Variants in DYNC2H1 observed in about 807,000 individuals in gnomAD.
The protein encoded by DYNC2H1 is cytoplasmic dynein 2 heavy chain 1.
DYNC2H1 carries 410 observed loss-of-function variants against 570.0 expected under a neutral mutation model. The observed-to-expected ratio is 0.72, with a 90% CI of 0.66 to 0.78. The LOEUF (loss-of-function observed/expected upper bound fraction) is 0.78, where lower values mean the gene tolerates loss of function less well. Among genes scored for constraint, DYNC2H1 ranks in the 30% least tolerant of loss-of-function variants. The pLI is 0.00. For synonymous variants in DYNC2H1, 1,688 were observed against 1,677.6 expected, an observed-to-expected ratio of 1.01 and a Z score of -0.15; for missense variants, 4,865 against 5,046.4, an observed-to-expected ratio of 0.96 and a Z score of 1.09.
intron 59 of DYNC2H1, among the ~76,000 whole-genome samples, chr11:103,224,435 A>T (rs534538691): frequency 3.9e-5 from 6 of 152,034 alleles, no homozygotes; most frequent in Non-Finnish European, 7.4e-5. Flanking sequence ...CCAAAGTCCA[A>T]TGCCTCATTC....
intron 3 of DYNC2H1, 76 bp from the exon 4 acceptor site, chr11:103,115,101 G>C: frequency 1.0e-6 from 1 of 990,212 alleles, no homozygotes. Flanking sequence ...CAAATATTTT[G>C]CTGCTCTGCT....
intron 84 of DYNC2H1, among the ~76,000 whole-genome samples, chr11:103,434,935 G>A (rs1944010410): frequency 6.6e-6 from 1 of 152,116 alleles, no homozygotes; most frequent in Admixed American, 6.6e-5. Flanking sequence ...TTGGAAACTG[G>A]CATAGTATCA....
At chr11:103,161,662 CTATT>C (rs1226207928) in intron 29 of DYNC2H1, among the ~76,000 whole-genome samples, 7 of 152,094 alleles carry the variant, frequency 4.6e-5, no homozygotes, top group African/African-American at 1.7e-4. Context: ...TTTAAGTACA[CTATT>C]TAGTGCTTGG....
chr11:103,474,578 G>A (rs1390617673), intron 88 of DYNC2H1, among the ~76,000 whole-genome samples: 1 of 152,040 alleles, frequency 6.6e-6, no homozygotes, highest in Non-Finnish European at 1.5e-5. Flanking sequence ...TAGTCCCTCT[G>A]TATCTGCAAT....
chr11:103,273,135 C>T (rs1253299058), intron 70 of DYNC2H1, among the ~76,000 whole-genome samples: 2 of 149,838 alleles, frequency 1.3e-5, no homozygotes, highest in Non-Finnish European at 3.0e-5. Context: ...TCCCTTCCCT[C>T]CCCTCCCCTT....
chr11:103,463,094 A>G (rs1317335820), intron 87 of DYNC2H1, among the ~76,000 whole-genome samples: 1 of 152,168 alleles, frequency 6.6e-6, no homozygotes, highest in South Asian at 2.1e-4. Context: ...AATATATTGT[A>G]AACAACTGAG....
chr11:103,447,710 G>A (rs1399986091), intron 85 of DYNC2H1, among the ~76,000 whole-genome samples: 1 of 152,054 alleles, frequency 6.6e-6, no homozygotes, highest in African/African-American at 2.4e-5. Context: ...TAAGGCATTG[G>A]AAATGTGTAA....
chr11:103,247,415 C>G (rs1864660195), intron 65 of DYNC2H1, among the ~76,000 whole-genome samples: 1 of 152,014 alleles, frequency 6.6e-6, no homozygotes, highest in Non-Finnish European at 1.5e-5. Context: ...AGGTATATCT[C>G]CATATGGATG....
chr11:103,168,287 G>T (rs2134956384), intron 31 of DYNC2H1, among the ~76,000 whole-genome samples: 1 of 152,282 alleles, frequency 6.6e-6, no homozygotes, highest in African/African-American at 2.4e-5. Flanking sequence ...ACCAGTTTCG[G>T]TTTCTGGCTG....
intron 83 of DYNC2H1, among the ~76,000 whole-genome samples, chr11:103,377,056 G>A (rs938657550): frequency 2.6e-5 from 4 of 152,026 alleles, no homozygotes; most frequent in African/African-American, 4.8e-5. Flanking sequence ...AGAATTATTC[G>A]TCCTTGACTT....
In DYNC2H1 at chr11:103,252,551, G is replaced by A. The variant is rs1864876373; in HGVS notation, c.10043-734G>A. Reference sequence around the variant, plus strand: ...ATAATACCCATCCTAACAGGTGTGAGTTGATATCTAATAGTGGTTTTGATT... The same window carrying A: ...ATAATACCCATCCTAACAGGTGTGAATTGATATCTAATAGTGGTTTTGATT... On this transcript the variant is annotated intron_variant, in intron 65 of 88. Coordinates refer to ENST00000375735, the MANE Select transcript of DYNC2H1 (RefSeq NM_001377.3). This position sits in a 1 kb window ranked among gnomAD's most constrained non-coding sequence, Gnocchi z 4.6. Among the ~76,000 whole-genome samples, 1 of 152,112 alleles carries A rather than the reference G, an allele frequency of 6.6e-6. No homozygotes were observed. Among genetic ancestry groups the A allele is most frequent in the Admixed American group, 6.6e-5 (1 of 15,262 alleles).
At position 103,220,738 on chromosome 11, in the gene DYNC2H1, T is replaced by C. The variant is rs755522846; in HGVS notation, c.9062T>C (p.Leu3021Ser). Residue 3021 changes from leucine (L) to serine (S), a missense_variant, in exon 57 of 89, where the codon TTA becomes TCA. By Grantham distance (145) the Leu-to-Ser change is moderately radical. Around this residue, in one of 5 missense-constraint regions of DYNC2H1, gnomAD observed 2,401 missense variants for 2,454.6 expected, o/e 0.98. Transcript: ENST00000375735. ...DVIRDILEGV[L>S]RLMGIFDTSW... ...ATTAGAGATATTCTTGAAGGAGTTT[T>C]AAGGTTGATGGGTATCTTTGATACA... 2 of 1,612,902 alleles carry C rather than the reference T, an allele frequency of 1.2e-6. No homozygotes were observed. Among genetic ancestry groups the C allele is most frequent in the Non-Finnish European group, 1.7e-6 (2 of 1,179,234 alleles).
chr11:103,267,816 A>G (rs1865567977), intron 70 of DYNC2H1, among the ~76,000 whole-genome samples: 1 of 151,946 alleles, frequency 6.6e-6, no homozygotes, highest in African/African-American at 2.4e-5. Context: ...GTACAAATAT[A>G]TAGATATAAT....
chr11:103,352,340 C>CT (rs1237251849), intron 82 of DYNC2H1, among the ~76,000 whole-genome samples: 1 of 151,960 alleles, frequency 6.6e-6, no homozygotes, highest in Non-Finnish European at 1.5e-5. Flanking sequence ...TTTAGCATTG[C>CT]TTCTTTTTAA....
chr11:103,152,141 G>C lies in DYNC2H1; in HGVS notation c.2952G>C (p.Leu984Phe), dbSNP rs775630981. Residue 984 changes from leucine to phenylalanine, a missense_variant, in exon 21 of 89, where the codon TTG (leucine) becomes TTC (phenylalanine). Physicochemically the swap from Leu to Phe is conservative, Grantham distance 22. Transcript: ENST00000375735. ...TTTTTTTTTTTAACCTTTAGATTTTGCCCTTATTTCAAGAAGCTGAAGACA... is the reference window on the plus strand; with the variant it reads ...TTTTTTTTTTTAACCTTTAGATTTTCCCCTTATTTCAAGAAGCTGAAGACA... The part of the protein sequence containing the change: ...SKLQERKPEI[L>F]PLFQEAEDKN... 2.0e-6 allele frequency: 3 copies of C among 1,537,192 alleles called. No homozygotes were observed. The Admixed American group carries it at 5.6e-5, about 29-fold the overall frequency.
chr11:103,380,623 C>T lies in DYNC2H1; in HGVS notation c.12157-19040C>T, dbSNP rs1365749119. On this transcript the variant is annotated intron_variant, in intron 83 of 88. Transcript: ENST00000375735. ...TCACCCAGGGTGGAGTACAGTGGTG[C>T]GATCTCAGCTCACTGGAACCTCTGC... 9.9e-5 allele frequency among the ~76,000 whole-genome samples: 15 copies of T among 152,020 alleles called. No individual in the cohort carries two copies. In the East Asian group the frequency reaches 2.5e-3, roughly 25 times the overall value.
intron 43 of DYNC2H1, among the ~76,000 whole-genome samples, chr11:103,187,828 C>T (rs1308983453): frequency 6.6e-6 from 1 of 152,026 alleles, no homozygotes; most frequent in African/African-American, 2.4e-5. Context: ...CACTCTACAT[C>T]TATTACTTGT....
chr11:103,200,928 G>C (rs896527678), intron 50 of DYNC2H1, among the ~76,000 whole-genome samples: 2 of 152,142 alleles, frequency 1.3e-5, no homozygotes, highest in Non-Finnish European at 2.9e-5. Context: ...CCAGGTTCAA[G>C]TGATTCTCCT....
Position 103,156,602 on chromosome 11 carries a change from G to T in DYNC2H1, c.3959G>T (p.Gly1320Val). ...TTAAAGGATTCTCCTTATTATAAAG[G>T]ATTTGAAGATAAAGTATCAATTTGG... Reference protein sequence around the residue: ...QSLKDSPYYKGFEDKVSIWER... With the variant: ...QSLKDSPYYKVFEDKVSIWER... The change falls in exon 26 of 89, where the codon GGA (glycine) becomes GTA (valine). Residue 1320 changes from glycine (G) to valine (V), a missense_variant. Gly to Val is a moderately radical substitution (Grantham distance 109). Coordinates refer to ENST00000375735, the MANE Select transcript of DYNC2H1 (RefSeq NM_001377.3). 6.2e-7 allele frequency: 1 copy of T among 1,613,606 alleles called. No individual in the cohort carries two copies. The highest frequency in any genetic ancestry group is 8.5e-7 in the Non-Finnish European group (1 of 1,179,692).
Sources: gnomAD v4.1 joint callset for allele counts (sites outside exome capture counted in the v4.1 genomes callset) on GRCh38, gnomAD v4.1.1 for gene constraint, gnomAD v4.1.1 regional missense constraint, Gnocchi (gnomAD v3.1) non-coding constraint, MANE v1.5 for transcripts, NCBI Gene and HGNC (gene_info 2026-07-23, HGNC 2026-07-21) for gene names.